Variants in TANC2 observed in about 807,000 individuals in gnomAD.
TANC2 encodes the protein tetratricopeptide repeat, ankyrin repeat and coiled-coil containing 2, also known as protein TANC2.
TANC2 carries 26 observed loss-of-function variants against 210.5 expected under a neutral mutation model. The ratio of observed to expected loss-of-function variants is 0.12; its 90% CI spans 0.09 to 0.17. The LOEUF is 0.17. Ranked by LOEUF, TANC2 falls within the 10% of genes least tolerant of loss-of-function variation. TANC2 has a pLI of 1.00. For synonymous variants in TANC2, 931 were observed against 967.1 expected (o/e 0.96, Z 0.69); for missense variants, 2,129 against 2,608.9 (o/e 0.82, Z 4.01).
rs552741743 is a variant in TANC2 at position 62,995,340 on chromosome 17, G to T, written c.-23-14197G>T. ...TCATAATGTAAGGATCCAGAATCGGGTGGATTGAGAACTCAGTTGTAAATC... is the reference window on the plus strand; with the variant it reads ...TCATAATGTAAGGATCCAGAATCGGTTGGATTGAGAACTCAGTTGTAAATC... On this transcript the variant is annotated intron_variant, in intron 1 of 27. Transcript: ENST00000689528. Among the ~76,000 whole-genome samples the T allele has an allele frequency of 3.3e-5, 5 of 152,320 alleles. No individual in the cohort carries two copies. In the South Asian group the frequency reaches 1.0e-3, roughly 32 times the overall value.
chr17:63,088,941 C>A (rs1026604388), intron 3 of TANC2: 3 of 152,156 alleles, frequency 2.0e-5, no homozygotes, highest in African/African-American at 4.8e-5. Context: ...ATAACATTAG[C>A]ACTCCTTTTG....
intron 21 of TANC2, among the ~76,000 whole-genome samples, chr17:63,410,860 CAAAAAAAAAAA>C (rs34268418): frequency 1.1e-3 from 43 of 39,010 alleles, no homozygotes; most frequent in African/African-American, 3.5e-3. Flanking sequence ...GACTCCATCT[CAAAAAAAAAAA>C]AAAAAAAAAA....
intron 4 of TANC2, among the ~76,000 whole-genome samples, chr17:63,128,593 A>G (rs953851696): frequency 1.3e-5 from 2 of 152,236 alleles, no homozygotes; most frequent in African/African-American, 2.4e-5. Flanking sequence ...GTACATTTAT[A>G]TTTTAAGGGA....
At chr17:63,270,903 T>G (rs2043680735) in intron 9 of TANC2, among the ~76,000 whole-genome samples, 1 of 152,140 alleles carries the variant, frequency 6.6e-6, no homozygotes, top group South Asian at 2.1e-4. Flanking sequence ...CACTTACAAG[T>G]GAGAACATGC....
chr17:63,300,051 A>G (rs1183776144), intron 9 of TANC2, among the ~76,000 whole-genome samples: 2 of 151,938 alleles, frequency 1.3e-5, no homozygotes, highest in African/African-American at 4.8e-5. Context: ...TCCTTTCCCT[A>G]TTGTTTATTT....
At chr17:63,149,699 G>T (rs2039581733) in intron 4 of TANC2, 1 of 150,654 alleles carries the variant, frequency 6.6e-6, no homozygotes, top group East Asian at 1.9e-4. Flanking sequence ...TATAATGAAA[G>T]AGATTCTAAT....
intron 9 of TANC2, among the ~76,000 whole-genome samples, chr17:63,282,605 G>A (rs1353818732): frequency 6.6e-6 from 1 of 152,056 alleles, no homozygotes; most frequent in Non-Finnish European, 1.5e-5. Flanking sequence ...TTAAGAAACT[G>A]CAAAATGATA....
chr17:63,017,496 A>G (rs374000612), intron 2 of TANC2, among the ~76,000 whole-genome samples: 28 of 152,152 alleles, frequency 1.8e-4, no homozygotes, highest in East Asian at 7.7e-4. Context: ...GTGTTTTATT[A>G]ATCAGCTTTA....
At chr17:63,308,695 T>C (rs754626862) in intron 9 of TANC2, among the ~76,000 whole-genome samples, 33 of 152,242 alleles carry the variant, frequency 2.2e-4, no homozygotes, top group Non-Finnish European at 3.7e-4. Flanking sequence ...CCAGGACATA[T>C]ATGCTTGTGT....
At chr17:62,986,633 G>A (rs542487004) in intron 1 of TANC2, among the ~76,000 whole-genome samples, 48 of 151,974 alleles carry the variant, frequency 3.2e-4, no homozygotes, top group Non-Finnish European at 1.5e-4. Flanking sequence ...AAACACAGGC[G>A]CATGACTGTA....
At position 62,984,413 on chromosome 17, in the gene TANC2, A is replaced by T. The variant is rs574081247; in HGVS notation, c.-24+17664A>T. ...TTTGTTTCTGTTTTCAAAAAACCAA[A>T]TTTTTGTCTCATTGATCTTTAGTAT... On this transcript the variant is annotated intron_variant, in intron 1 of 27. Transcript: ENST00000689528. Among the ~76,000 whole-genome samples the T allele has an allele frequency of 2.2e-4, 33 of 151,914 alleles. No homozygotes were observed. In the East Asian group the frequency reaches 6.0e-3, roughly 28 times the overall value.
At chr17:63,255,613 G>A (rs906893308) in intron 8 of TANC2, among the ~76,000 whole-genome samples, 3 of 152,090 alleles carry the variant, frequency 2.0e-5, no homozygotes, top group Admixed American at 6.6e-5. Context: ...GTTGCTCATA[G>A]TAGTCTCTAA....
At chr17:63,082,233 T>C (rs546225593) in intron 3 of TANC2, among the ~76,000 whole-genome samples, 8 of 152,234 alleles carry the variant, frequency 5.3e-5, no homozygotes, top group Non-Finnish European at 8.8e-5. Flanking sequence ...AATATTCTTA[T>C]GTGAATTTTT....
chr17:63,256,808 A>G (rs1490892976), intron 8 of TANC2, among the ~76,000 whole-genome samples: 1 of 152,158 alleles, frequency 6.6e-6, no homozygotes, highest in Non-Finnish European at 1.5e-5. Context: ...GGGTGCATAT[A>G]TATTTACAGT....
chr17:63,307,709 G>C (rs1311185468), intron 9 of TANC2, among the ~76,000 whole-genome samples: 1 of 152,130 alleles, frequency 6.6e-6, no homozygotes, highest in Non-Finnish European at 1.5e-5. Context: ...TAATGCATTT[G>C]AAATTTAAAT....
chr17:63,201,225 A>T (rs527405216), intron 7 of TANC2, among the ~76,000 whole-genome samples: 2 of 152,238 alleles, frequency 1.3e-5, no homozygotes, highest in African/African-American at 4.8e-5. Context: ...TTCTTCCTGT[A>T]AATGCACGTA....
chr17:63,352,236 G>A (rs932622277), intron 13 of TANC2, among the ~76,000 whole-genome samples: 3 of 151,984 alleles, frequency 2.0e-5, no homozygotes, highest in Admixed American at 6.6e-5. Context: ...TTTGGATGCA[G>A]CCCCCTTGTC....
intron 3 of TANC2, among the ~76,000 whole-genome samples, chr17:63,093,028 C>A (rs180685203): frequency 6.6e-6 from 1 of 152,074 alleles, no homozygotes; most frequent in Non-Finnish European, 1.5e-5. Flanking sequence ...TTCTTTCAAT[C>A]GGTACTGCTT....
At chr17:63,134,104 A>T (rs932146565) in intron 4 of TANC2, among the ~76,000 whole-genome samples, 3 of 152,136 alleles carry the variant, frequency 2.0e-5, no homozygotes, top group Non-Finnish European at 2.9e-5. Context: ...AGTAACTTTC[A>T]CCTATTAAAT....
Sources: gnomAD v4.1 joint callset for allele counts (sites outside exome capture counted in the v4.1 genomes callset) on GRCh38, gnomAD v4.1.1 for gene constraint, MANE v1.5 for transcripts, NCBI Gene and HGNC (gene_info 2026-07-23, HGNC 2026-07-21) for gene names.